The following USP36 variants were observed in gnomAD, a reference collection of about 807,000 sequenced individuals.
USP36 encodes the protein ubiquitin carboxyl-terminal hydrolase 36.
A neutral mutation model predicts 111.5 loss-of-function variants in USP36; 59 were observed. The ratio of observed to expected loss-of-function variants is 0.53; its 90% confidence interval spans 0.43 to 0.66. The LOEUF is 0.66. USP36 is among the 30% of genes least tolerant of loss of function. The probability of loss-of-function intolerance (pLI) is 0.00; values close to 1 mark genes in which losing one functional copy is unlikely to be tolerated. For synonymous variants in USP36, 628 were observed against 581.0 expected (o/e 1.08, Z -1.16); for missense variants, 1,488 against 1,468.0 (o/e 1.01, Z -0.22).
intron 14 of USP36, among the ~76,000 whole-genome samples, chr17:78,806,567 G>A (rs868022000): frequency 2.0e-5 from 3 of 152,332 alleles, no homozygotes; most frequent in Middle Eastern, 3.4e-3. Context: ...CAAGCTTCCT[G>A]CTGCAGAGGT....
In USP36 at chr17:78,803,079, T is replaced by C. The variant is rs570464636; in HGVS notation, c.2810+306A>G. ...TCAGCCTCCTGAGTAGCTGGGACTATAGGTGCATGCCACCATGCCCAACCA... is the reference window on the plus strand; with the variant it reads ...TCAGCCTCCTGAGTAGCTGGGACTACAGGTGCATGCCACCATGCCCAACCA... On this transcript the variant is annotated intron_variant, in intron 16 of 20. Coordinates refer to ENST00000449938, the MANE Select transcript of USP36 (RefSeq NM_001385174.1). This position sits in a 1 kb window ranked among gnomAD's most constrained non-coding sequence, Gnocchi z 4.6. Among the ~76,000 whole-genome samples the C allele has an allele frequency of 1.1e-4, 17 of 152,176 alleles. No homozygotes were observed. Among genetic ancestry groups the C allele is most frequent in the African/African-American group, 3.4e-4 (14 of 41,516 alleles).
chr17:78,837,782 G>T (rs942074013), intron 2 of USP36, among the ~76,000 whole-genome samples: 1 of 152,210 alleles, frequency 6.6e-6, no homozygotes, highest in Non-Finnish European at 1.5e-5. Context: ...TGCCCTCAGA[G>T]AATCAACAAG....
chr17:78,802,804 C>T (rs1378192369), intron 16 of USP36, among the ~76,000 whole-genome samples: 3 of 152,178 alleles, frequency 2.0e-5, no homozygotes, highest in Non-Finnish European at 2.9e-5. Flanking sequence ...CCTGATGAAA[C>T]GGCAGATCCT....
intron 8 of USP36, 108 bp downstream of exon 8, chr17:78,820,878 GGAGTT>G: frequency 8.7e-7 from 1 of 1,144,628 alleles, no homozygotes; most frequent in African/African-American, 1.5e-5. Context: ...AGGGAGCAAA[GGAGTT>G]TTCTCCCTAT....
chr17:78,811,832 C>T (rs1365154772), intron 13 of USP36, among the ~76,000 whole-genome samples: 1 of 151,850 alleles, frequency 6.6e-6, no homozygotes, highest in African/African-American at 2.4e-5. Flanking sequence ...TGCGCCACTG[C>T]ACTCCAGCCT....
At chr17:78,808,101 G>C (rs1343375517) in intron 13 of USP36, among the ~76,000 whole-genome samples, 2 of 152,208 alleles carry the variant, frequency 1.3e-5, no homozygotes, top group Non-Finnish European at 2.9e-5. Context: ...ATTTAGCAAA[G>C]TTCCATCACC....
At chr17:78,828,072 A>C (rs560523175) in intron 5 of USP36, among the ~76,000 whole-genome samples, 7 of 152,190 alleles carry the variant, frequency 4.6e-5, no homozygotes, top group Middle Eastern at 3.4e-3. Context: ...AACAATACAA[A>C]AACAGTCAAG....
Position 78,799,676 on chromosome 17 carries a change from C to T in USP36, c.3115G>A (p.Gly1039Arg), listed in dbSNP as rs555755023. 1.4e-5 allele frequency: 22 copies of T among 1,612,040 alleles called. No homozygotes were observed. The highest frequency in any genetic ancestry group is 6.7e-5 in the East Asian group (3 of 44,676). The change falls in exon 18 of 21, where the codon GGG (glycine) becomes AGG (arginine). Residue 1039 changes from glycine to arginine, a missense_variant. Around this residue, in one of 3 missense-constraint regions of USP36, gnomAD observed 1,073 missense variants for 994.1 expected, o/e 1.08. Transcript: ENST00000449938. ...GTCTCCAAATCAGTACCTTTTCTCC[C>T]GTAAGCTTTATCAGATGAGTATTTG... ...LLKYSSDKAY[G>R]RKVLTWDGKM...
At position 78,840,737 on chromosome 17, in the gene USP36, C is replaced by A. The variant is rs1599131653; in HGVS notation, c.-175G>T. 6.5e-6 allele frequency: 1 copy of A among 152,674 alleles called. No homozygotes were observed. Among genetic ancestry groups the A allele is most frequent in the Non-Finnish European group, 1.5e-5 (1 of 68,370 alleles). The allele number at this position is 152,674 out of a possible 1,614,324, so 9.5% of individuals were successfully genotyped here. On this transcript the variant is annotated splice_region_variant and 5_prime_UTR_variant, in exon 1 of 21. Transcript: ENST00000449938. ...CGCCCCGACCCGACCCCAGCCTACC[C>A]CGGCCTCTCCGCGGGCGCGCCACAA... is the stretch of plus-strand genomic sequence containing the variant.
At chr17:78,802,182 G>T in intron 17 of USP36, 142 bp downstream of exon 17, 1 of 823,634 alleles carries the variant, frequency 1.2e-6, no homozygotes, top group Non-Finnish European at 1.7e-6. Context: ...CTCGCCCGGT[G>T]CACACCCACG....
chr17:78,799,651 G>A lies in USP36; in HGVS notation c.3124+16C>T. On this transcript the variant is annotated intron_variant, in intron 18 of 20. Transcript: ENST00000449938. ...CCAATGAAAGGCAAACAGAAGTCCT[G>A]TCTCCAAATCAGTACCTTTTCTCCC... The A allele has an allele frequency of 1.9e-6, 3 of 1,609,844 alleles. No homozygotes were observed. Among genetic ancestry groups the A allele is most frequent in the Non-Finnish European group, 2.5e-6 (3 of 1,177,856 alleles).
intron 3 of USP36, among the ~76,000 whole-genome samples, chr17:78,789,053 C>G (rs539632089): frequency 6.6e-6 from 1 of 151,770 alleles, no homozygotes; most frequent in Non-Finnish European, 1.5e-5. Context: ...GAAAATTAGC[C>G]GGGCGTGATG....
At chr17:78,795,009 G>GA (rs78492260), downstream of USP36, among the ~76,000 whole-genome samples, 885 of 115,472 alleles carry the variant, frequency 7.7e-3, 5 homozygotes, top group African/African-American at 0.022. This position sits in a 1 kb window ranked among gnomAD's most constrained non-coding sequence, Gnocchi z 4.5. Context: ...CTCTGTTCGG[G>GA]AAAAAAAAAA....
At chr17:78,818,076 C>T (rs1393557192) in intron 10 of USP36, among the ~76,000 whole-genome samples, 1 of 152,160 alleles carries the variant, frequency 6.6e-6, no homozygotes, top group East Asian at 1.9e-4. Flanking sequence ...CAGAGTGAGA[C>T]CCTGTCTTAA....
chr17:78,796,691 AC>A lies in USP36; in HGVS notation c.*1208del, dbSNP rs1376624497. On this transcript the variant is annotated 3_prime_UTR_variant, in exon 21 of 21. Coordinates refer to ENST00000449938, the MANE Select transcript of USP36 (RefSeq NM_001385174.1). ...GCAGACAGCGAGGCAGCCACCCGGG[AC>A]AGCAGGATGCCTCTGGCCCAGCAGA... 6.6e-6 allele frequency: 1 copy of A among 152,318 alleles called. No individual in the cohort carries two copies. The highest frequency in any genetic ancestry group is 2.4e-5 in the African/African-American group (1 of 41,450). The allele number at this position is 152,318 out of a possible 1,614,324, so 9.4% of individuals were successfully genotyped here. A position where few individuals can be genotyped will look rare whatever the true frequency, so the allele number is the denominator to read the frequency against.
At position 78,797,802 on chromosome 17, in the gene USP36, C is replaced by T. The variant is rs540111477; in HGVS notation, c.*98G>A. 2.0e-5 allele frequency: 3 copies of T among 153,324 alleles called. No individual in the cohort carries two copies. The highest frequency in any genetic ancestry group is 2.4e-5 in the African/African-American group (1 of 41,430). 9.5% of individuals were successfully genotyped at this position (153,324 alleles called of 1,614,324 possible). A position where few individuals can be genotyped will look rare whatever the true frequency, so the allele number is the denominator to read the frequency against. On this transcript the variant is annotated 3_prime_UTR_variant, in exon 21 of 21. Transcript: ENST00000449938. ...AGCTCCTACCGTGACAGGCTCCCAG[C>T]GCAGCAGAGCCCACACAGAGAGCTC...
intron 4 of USP36, among the ~76,000 whole-genome samples, chr17:78,833,597 A>T (rs2145618467): frequency 6.6e-6 from 1 of 152,300 alleles, no homozygotes; most frequent in East Asian, 1.9e-4. Context: ...ACTCACAGTT[A>T]CTAAGGGGCA....
Position 78,820,148 on chromosome 17 carries a change from A to G in USP36, c.829-136T>C, listed in dbSNP as rs536268593. 1.5e-5 allele frequency: 12 copies of G among 799,616 alleles called. 1 individual carries two copies. The South Asian group carries it at 1.9e-4, about 12-fold the overall frequency. The allele number at this position is 799,616 out of a possible 1,614,324, so 49.5% of individuals were successfully genotyped here. ...AGACTCGCATAAAAATTTGCCCACT[A>G]GCTGCCAGATTGGGACTCCTTCTCC... On this transcript the variant is annotated intron_variant, in intron 8 of 20. Coordinates refer to ENST00000449938, the MANE Select transcript of USP36 (RefSeq NM_001385174.1).
chr17:78,791,780 T>C (rs1313768263), downstream of USP36: 2 of 152,178 alleles, frequency 1.3e-5, no homozygotes, highest in East Asian at 3.9e-4. Flanking sequence ...AATGATTAGA[T>C]TCTGGTTTCT....
Sources: gnomAD v4.1 joint callset for allele counts (sites outside exome capture counted in the v4.1 genomes callset) on GRCh38, gnomAD v4.1.1 for gene constraint, gnomAD v4.1.1 regional missense constraint, Gnocchi (gnomAD v3.1) non-coding constraint, MANE v1.5 for transcripts, NCBI Gene and HGNC (gene_info 2026-07-23, HGNC 2026-07-21) for gene names.